The following RNF213 variants were observed in gnomAD, a reference collection of about 807,000 sequenced individuals.
RNF213 encodes ring finger protein 213, also known as E3 ubiquitin-protein ligase RNF213.
A neutral mutation model predicts 514.4 loss-of-function variants in RNF213; 341 were observed. The observed-to-expected ratio is 0.66, with a 90% CI of 0.61 to 0.73. The LOEUF (loss-of-function observed/expected upper bound fraction) is 0.73. Among genes scored for constraint, RNF213 ranks in the 30% least tolerant of loss-of-function variants. The pLI, the probability that RNF213 is intolerant of heterozygous loss-of-function variation, is 0.00. For synonymous variants in RNF213, 2,655 were observed against 2,658.2 expected, an observed-to-expected ratio of 1.00 and a Z score of 0.04; for missense variants, 5,767 against 6,615.6, an observed-to-expected ratio of 0.87 and a Z score of 4.45.
At chr17:80,280,867 A>T (rs2044232355) in intron 3 of RNF213, among the ~76,000 whole-genome samples, 1 of 152,110 alleles carries the variant, frequency 6.6e-6, no homozygotes, top group Admixed American at 6.6e-5. Flanking sequence ...GTCAACGTAC[A>T]CGGGTGGAAA....
rs527397145 is a variant in RNF213 at position 80,372,338 on chromosome 17, T to G, written c.12538-183T>G. Among the ~76,000 whole-genome samples the G allele has an allele frequency of 3.9e-5, 6 of 152,298 alleles. No homozygotes were observed. In the South Asian group the frequency reaches 1.2e-3, roughly 32 times the overall value. On this transcript the variant is annotated intron_variant, in intron 47 of 67. Transcript: ENST00000582970. The stretch of plus-strand genomic sequence containing the variant: ...TTTCCTCATAGGTTCACTTTTCCCC[T>G]CCTTCTTGTCCTTAAAATAAAAAGG...
In RNF213 at chr17:80,396,744, C is replaced by CTG. The variant is rs1555683532; in HGVS notation, c.*3246_*3247insTG. The CTG allele has an allele frequency of 3.0e-5, 3 of 101,182 alleles. No homozygotes were observed. Among genetic ancestry groups the CTG allele is most frequent in the Admixed American group, 9.3e-5 (1 of 10,780 alleles). 6.3% of individuals were successfully genotyped at this position (101,182 alleles called of 1,614,324 possible). A position where few individuals can be genotyped will look rare whatever the true frequency, so the allele number is the denominator to read the frequency against. On this transcript the variant is annotated 3_prime_UTR_variant, in exon 68 of 68. Transcript: ENST00000582970. ...GTGCATTTCCCCCCCACCCCCCCCC[C>CTG]CCAACCAGAGCAACTTTGGTCAGAA...
intron 6 of RNF213, 126 bp from the exon 7 acceptor site, chr17:80,290,444 T>C (rs1266328102): frequency 7.1e-6 from 8 of 1,126,004 alleles, no homozygotes; most frequent in Non-Finnish European, 1.1e-5. Context: ...TGTGTGCATG[T>C]GTGTGTGCGA....
chr17:80,299,276 G>C (rs570682092), intron 11 of RNF213, among the ~76,000 whole-genome samples: 123 of 152,264 alleles, frequency 8.1e-4, no homozygotes, highest in Middle Eastern at 3.4e-3. Flanking sequence ...TCTGTTACAG[G>C]ACATTTGGTT....
chr17:80,358,242 C>G (rs1448272265), intron 36 of RNF213, 46 bp from the exon 37 acceptor site: 1 of 1,575,414 alleles, frequency 6.3e-7, no homozygotes, highest in East Asian at 2.2e-5. Context: ...GACCGCCACT[C>G]TGGTTCCTCT....
At chr17:80,385,685 G>C in intron 61 of RNF213, 64 bp downstream of exon 61, 1 of 1,418,022 alleles carries the variant, frequency 7.1e-7, no homozygotes, top group Non-Finnish European at 9.9e-7. Flanking sequence ...AGCTCTTCTC[G>C]TCAGCCTGAC....
At chr17:80,365,433 C>T (rs892001747) in intron 42 of RNF213, 2 of 45,584 alleles carry the variant, frequency 4.4e-5, no homozygotes, top group African/African-American at 1.3e-4. Context: ...GGTGCCCACG[C>T]TCCGTCTTGT....
intron 54 of RNF213, among the ~76,000 whole-genome samples, chr17:80,378,627 A>T (rs899223035): frequency 6.6e-6 from 1 of 152,156 alleles, no homozygotes; most frequent in Non-Finnish European, 1.5e-5. Context: ...GATACACGTC[A>T]TTTAATAATG....
rs1165800346 is a variant in RNF213 at position 80,339,656 on chromosome 17, G to C, written c.5289G>C (p.Glu1763Asp). The change falls in exon 26 of 68, where the codon GAG becomes GAC. Residue 1763 changes from glutamate to aspartate, a missense_variant. Around this residue, in one of 13 missense-constraint regions of RNF213, gnomAD observed 1,377 missense variants for 1,635.2 expected, o/e 0.84. Transcript: ENST00000582970. Reference sequence around the variant, plus strand: ...ACCGCATGAGGAGAGTCATGGAAGAGCTCCCGCTGATGCTCTTATCAGAGT... The same window carrying C: ...ACCGCATGAGGAGAGTCATGGAAGACCTCCCGCTGATGCTCTTATCAGAGT... The part of the protein sequence containing the change: ...ARYRMRRVME[E>D]LPLMLLSEFS... 1 of 1,537,084 alleles carries C rather than the reference G, an allele frequency of 6.5e-7. No homozygotes were observed. Among genetic ancestry groups the C allele is most frequent in the African/African-American group, 1.4e-5 (1 of 73,026 alleles).
In RNF213 at chr17:80,306,469, G is replaced by T; in HGVS notation, c.2427+1G>T. On this transcript the variant is annotated splice_donor_variant, in intron 12 of 67. Coordinates refer to ENST00000582970, the MANE Select transcript of RNF213 (RefSeq NM_001256071.3). LOFTEE classifies it high-confidence loss of function. ...ACTTGAGCAAGTCTTGAATACGCAG[G>T]TTTGTGTCTGAAGTCGGCTCTGGAG... The T allele has an allele frequency of 6.2e-7, 1 of 1,613,966 alleles. No homozygotes were observed. The highest frequency in any genetic ancestry group is 8.5e-7 in the Non-Finnish European group (1 of 1,179,952).
intron 59 of RNF213, 24 bp downstream of exon 59, chr17:80,383,952 C>T (rs1486465869): frequency 1.2e-6 from 2 of 1,614,114 alleles, no homozygotes; most frequent in South Asian, 2.2e-5. Context: ...ACTGTGGCTC[C>T]CTCCCTCTTT....
At chr17:80,324,081 A>C (rs2046217860) in intron 17 of RNF213, among the ~76,000 whole-genome samples, 1 of 152,072 alleles carries the variant, frequency 6.6e-6, no homozygotes, top group Non-Finnish European at 1.5e-5. Context: ...GATGCCTTTT[A>C]TTTCTTTCTC....
Position 80,343,090 on chromosome 17 carries a change from G to C in RNF213, c.5990-42G>C, listed in dbSNP as rs1354055796. The C allele has an allele frequency of 6.5e-7, 1 of 1,535,600 alleles. No individual in the cohort carries two copies. Among genetic ancestry groups the C allele is most frequent in the Non-Finnish European group, 9.0e-7 (1 of 1,109,428 alleles). ...CCCAAAGTGCTAGGATTACAGGTGT[G>C]AGCCACCACTCCCAGCCCTAATTTC... On this transcript the variant is annotated intron_variant, in intron 26 of 67. Coordinates refer to ENST00000582970, the MANE Select transcript of RNF213 (RefSeq NM_001256071.3). This position sits in a 1 kb window ranked among gnomAD's most constrained non-coding sequence, Gnocchi z 4.3.
chr17:80,273,332 G>A lies in RNF213; in HGVS notation c.189G>A (p.Leu63=), dbSNP rs775717813. The part of the protein sequence containing the change: ...QELKEEGGPC[L]FPGSDSWQEN... Reference sequence around the variant, plus strand: ...TGAAGGAGGAAGGGGGCCCGTGCTTGTTCCCGGGCTCAGACAGTTGGCAAG... The same window carrying A: ...TGAAGGAGGAAGGGGGCCCGTGCTTATTCCCGGGCTCAGACAGTTGGCAAG... The change falls in exon 3 of 68, where the codon TTG becomes TTA. Residue 63 remains leucine (L), a synonymous_variant. Coordinates refer to ENST00000582970, the MANE Select transcript of RNF213 (RefSeq NM_001256071.3). 1.3e-5 allele frequency: 21 copies of A among 1,613,450 alleles called. No individual in the cohort carries two copies. Among genetic ancestry groups the A allele is most frequent in the Admixed American group, 1.0e-4 (6 of 59,994 alleles).
chr17:80,326,972 C>G (rs994363001), intron 18 of RNF213, among the ~76,000 whole-genome samples: 14 of 152,134 alleles, frequency 9.2e-5, no homozygotes, highest in African/African-American at 3.1e-4. Flanking sequence ...AAATTCTGCC[C>G]TCTAAATTTA....
chr17:80,297,449 C>CAA (rs763957997), intron 10 of RNF213, among the ~76,000 whole-genome samples: 12 of 123,674 alleles, frequency 9.7e-5, no homozygotes, highest in Admixed American at 1.7e-4. Context: ...GACTTCATCT[C>CAA]AAAAAAAAAA....
chr17:80,323,991 G>A (rs1314614322), intron 17 of RNF213, among the ~76,000 whole-genome samples: 1 of 152,104 alleles, frequency 6.6e-6, no homozygotes, highest in African/African-American at 2.4e-5. Context: ...GTGTGTGTGT[G>A]TGTGCATGAG....
chr17:80,353,649 G>A lies in RNF213; in HGVS notation c.10561G>A (p.Glu3521Lys). ...SSEKVGKETSELGGSDVSILD... is the reference protein window; with the variant it reads ...SSEKVGKETSKLGGSDVSILD... ...TGAGAAGGTGGGAAAGGAAACCTCT[G>A]AACTCGGAGGCAGTGATGTAAGTTC... Residue 3521 changes from glutamate to lysine, a missense_variant, in exon 34 of 68, where the codon GAA (glutamate) becomes AAA (lysine). Glu to Lys is a moderately conservative substitution (Grantham distance 56). Transcript: ENST00000582970. The surrounding 1 kb of genome is among the most constrained non-coding windows in gnomAD (Gnocchi z 5.0). 1 of 1,614,222 alleles carries A rather than the reference G, an allele frequency of 6.2e-7. No homozygotes were observed. Among genetic ancestry groups the A allele is most frequent in the East Asian group, 2.2e-5 (1 of 44,888 alleles).
chr17:80,368,432 T>TG (rs995715025), intron 44 of RNF213, among the ~76,000 whole-genome samples: 4 of 100,810 alleles, frequency 4.0e-5, no homozygotes, highest in Non-Finnish European at 6.5e-5. Flanking sequence ...TAGACGCCAG[T>TG]GTTTTTTTTT....
Sources: allele counts gnomAD v4.1 joint callset (sites outside exome capture counted in the v4.1 genomes callset), GRCh38; gene constraint gnomAD v4.1.1; regional missense constraint gnomAD v4.1.1; non-coding constraint Gnocchi (gnomAD v3.1); transcripts MANE v1.5; gene names NCBI Gene and HGNC (gene_info 2026-07-23, HGNC 2026-07-21).